The following UIMC1 variants were observed in gnomAD, a reference collection of about 807,000 sequenced individuals.
UIMC1 encodes BRCA1-A complex subunit RAP80.
UIMC1 carries 42 observed loss-of-function variants against 84.9 expected under a neutral mutation model. The ratio of observed to expected loss-of-function variants is 0.49; its 90% CI spans 0.39 to 0.64. The LOEUF (loss-of-function observed/expected upper bound fraction) is 0.64. UIMC1 is among the 30% of genes least tolerant of loss of function. The pLI, the probability that UIMC1 is intolerant of heterozygous loss-of-function variation, is 0.00. For synonymous variants in UIMC1, 281 were observed against 293.0 expected (o/e 0.96, Z 0.42); for missense variants, 825 against 847.6 (o/e 0.97, Z 0.33).
At chr5:176,966,062 C>T (rs1455649743) in intron 6 of UIMC1, among the ~76,000 whole-genome samples, 1 of 152,174 alleles carries the variant, frequency 6.6e-6, no homozygotes, top group Non-Finnish European at 1.5e-5. Flanking sequence ...TGCTGATATA[C>T]CTTCAGAAAA....
chr5:176,975,385 T>G lies in UIMC1; in HGVS notation c.232+11A>C. The stretch of plus-strand genomic sequence containing the variant: ...AATTCCCAAACCATTATCAACAAAA[T>G]GAAAACATACGTGCGATTTTTCTTT... On this transcript the variant is annotated intron_variant, in intron 3 of 14. Coordinates refer to ENST00000511320, the MANE Select transcript of UIMC1 (RefSeq NM_001199298.2). 3 of 1,613,428 alleles carry G rather than the reference T, an allele frequency of 1.9e-6. No individual in the cohort carries two copies. Among genetic ancestry groups the G allele is most frequent in the South Asian group, 2.2e-5 (2 of 91,032 alleles).
At chr5:176,927,961 C>T (rs1762586934) in intron 10 of UIMC1, among the ~76,000 whole-genome samples, 1 of 151,380 alleles carries the variant, frequency 6.6e-6, no homozygotes, top group South Asian at 2.1e-4. Flanking sequence ...ACGTGATTCT[C>T]CTGCCTCAGC....
At chr5:176,987,443 T>G (rs1772196449) in intron 1 of UIMC1, among the ~76,000 whole-genome samples, 1 of 151,786 alleles carries the variant, frequency 6.6e-6, no homozygotes, top group East Asian at 1.9e-4. Flanking sequence ...GTGAGGAGTT[T>G]GAGACCAGCC....
chr5:176,984,954 C>T (rs1040618673), intron 1 of UIMC1, among the ~76,000 whole-genome samples: 3 of 152,094 alleles, frequency 2.0e-5, no homozygotes, highest in Non-Finnish European at 4.4e-5. Context: ...ACAAACACTG[C>T]GGAAGGCCAC....
chr5:176,990,993 ATTTTATTTTTTAT>A (rs1772752854), intron 1 of UIMC1, among the ~76,000 whole-genome samples: 1 of 151,570 alleles, frequency 6.6e-6, no homozygotes, highest in South Asian at 2.1e-4. Context: ...TTTATTTTTT[ATTTTATTTTTTAT>A]TTTTATTTTT....
At chr5:176,977,076 T>G (rs769270389) in intron 2 of UIMC1, among the ~76,000 whole-genome samples, 1 of 151,646 alleles carries the variant, frequency 6.6e-6, no homozygotes, top group Non-Finnish European at 1.5e-5. Context: ...TACAAAAATT[T>G]GCCAGGCGTG....
intron 11 of UIMC1, among the ~76,000 whole-genome samples, chr5:176,911,087 C>A (rs1581340380): frequency 7.8e-6 from 1 of 127,412 alleles, no homozygotes. Flanking sequence ...GAAACTTCAT[C>A]TCAAAAAAAA....
At chr5:176,980,002 G>A (rs192268185) in intron 2 of UIMC1, 2 of 152,098 alleles carry the variant, frequency 1.3e-5, no homozygotes, top group African/African-American at 2.4e-5. Flanking sequence ...TAAAAACATA[G>A]GAAAGGCAAA....
rs564616858 is a variant in UIMC1 at position 176,932,086 on chromosome 5, G to A, written c.1597+11249C>T. On this transcript the variant is annotated intron_variant, in intron 10 of 14. Transcript: ENST00000511320. ...GTAAAATGCATGCAGTGTAACGTAA[G>A]TCTGGGGTGGAAACACTGGTCTACA... 9.2e-5 allele frequency among the ~76,000 whole-genome samples: 14 copies of A among 152,316 alleles called. No homozygotes were observed. In the South Asian group the frequency reaches 2.7e-3, roughly 29 times the overall value.
chr5:176,969,422 G>A (rs1768857550), intron 5 of UIMC1, 131 bp from the exon 6 acceptor site: 1 of 1,403,450 alleles, frequency 7.1e-7, no homozygotes, highest in Non-Finnish European at 9.6e-7. Context: ...CCAAATGTTG[G>A]TTTTTCCTTG....
intron 1 of UIMC1, among the ~76,000 whole-genome samples, chr5:176,995,053 C>T (rs1425107132): frequency 6.6e-6 from 1 of 152,070 alleles, no homozygotes; most frequent in Non-Finnish European, 1.5e-5. Flanking sequence ...CAGGGCCCTG[C>T]CTATTGCTGG....
intron 4 of UIMC1, 63 bp downstream of exon 4, chr5:176,970,679 A>C (rs770828897): frequency 6.2e-7 from 1 of 1,611,984 alleles, no homozygotes; most frequent in Non-Finnish European, 8.5e-7. Context: ...CAACTACAAC[A>C]CCACAGAAGT....
At chr5:176,982,430 G>C in intron 2 of UIMC1, 39 bp downstream of exon 2, 1 of 1,585,590 alleles carries the variant, frequency 6.3e-7, no homozygotes, top group South Asian at 1.2e-5. Context: ...AGCATAGTTT[G>C]AGAGCTACAG....
At chr5:176,980,488 T>C (rs1032394942) in intron 2 of UIMC1, among the ~76,000 whole-genome samples, 1 of 152,116 alleles carries the variant, frequency 6.6e-6, no homozygotes, top group Non-Finnish European at 1.5e-5. Flanking sequence ...CAAAATTTTT[T>C]TTCCGAGGAC....
At chr5:176,940,658 A>C (rs1446390864) in intron 10 of UIMC1, among the ~76,000 whole-genome samples, 1 of 152,186 alleles carries the variant, frequency 6.6e-6, no homozygotes, top group African/African-American at 2.4e-5. Context: ...TCTGCCACTA[A>C]AAGTGGTTGA....
intron 10 of UIMC1, among the ~76,000 whole-genome samples, chr5:176,912,477 T>TG (rs1760351708): frequency 6.7e-6 from 1 of 148,924 alleles, no homozygotes; most frequent in Non-Finnish European, 1.5e-5. Context: ...GTTTTTTGTT[T>TG]TTTTTTTTTT....
chr5:176,931,001 CCT>C (rs550469580), intron 10 of UIMC1, among the ~76,000 whole-genome samples: 32 of 152,246 alleles, frequency 2.1e-4, no homozygotes, highest in East Asian at 1.9e-3. Context: ...CAAACATTCC[CCT>C]GTGTGTCCCA....
At position 176,982,451 on chromosome 5, in the gene UIMC1, C is replaced by T. The variant is rs764498039; in HGVS notation, c.147+18G>A. On this transcript the variant is annotated intron_variant, in intron 2 of 14. Coordinates refer to ENST00000511320, the MANE Select transcript of UIMC1 (RefSeq NM_001199298.2). ...GTTTGAGAGCTACAGCTCTACTTTT[C>T]AGCTCTACTTCACTAACCTCTCCAT... The T allele has an allele frequency of 6.2e-7, 1 of 1,603,288 alleles. No homozygotes were observed. Among genetic ancestry groups the T allele is most frequent in the South Asian group, 1.1e-5 (1 of 88,902 alleles).
chr5:176,965,437 TTC>T (rs1252813169), intron 6 of UIMC1, among the ~76,000 whole-genome samples: 3 of 151,530 alleles, frequency 2.0e-5, no homozygotes, highest in Admixed American at 2.0e-4. Flanking sequence ...AAAAAAAAAC[TTC>T]TGAGATACCT....
Sources: gnomAD v4.1 joint callset for allele counts (sites outside exome capture counted in the v4.1 genomes callset) on GRCh38, gnomAD v4.1.1 for gene constraint, MANE v1.5 for transcripts, NCBI Gene and HGNC (gene_info 2026-07-23, HGNC 2026-07-21) for gene names.